Variants in SYS1 observed in about 807,000 individuals in gnomAD.
The protein encoded by SYS1 is protein SYS1 homolog.
A neutral mutation model predicts 17.8 loss-of-function variants in SYS1; 8 were observed. The ratio of observed to expected loss-of-function variants is 0.45; its 90% CI spans 0.26 to 0.81. The LOEUF is 0.81. Among genes scored for constraint, SYS1 ranks in the 40% least tolerant of loss-of-function variants. SYS1 has a pLI of 0.16. For synonymous variants in SYS1, 95 were observed against 90.9 expected, an observed-to-expected ratio of 1.05 and a Z score of -0.26; for missense variants, 161 against 203.9, an observed-to-expected ratio of 0.79 and a Z score of 1.28.
chr20:45,375,658 G>A, exon 4 of SYS1: 1 of 1,420,474 alleles, frequency 7.0e-7, no homozygotes, highest in South Asian at 1.4e-5. Context: ...AAGGCTAGAG[G>A]GGCCTGCAAA....
chr20:45,368,233 C>T lies in SYS1; in HGVS notation c.*1118C>T, dbSNP rs2145356954. ...TTCTCCCTTTCCTGGACCCCAGAGT[C>T]ATTCCTCCATTTGGTTAAAATACTC... On this transcript the variant is annotated 3_prime_UTR_variant, in exon 4 of 4. Transcript: ENST00000243918. The T allele has an allele frequency of 2.0e-6, 2 of 985,472 alleles. No homozygotes were observed. Among genetic ancestry groups the T allele is most frequent in the Non-Finnish European group, 2.4e-6 (2 of 829,934 alleles). 61.0% of individuals were successfully genotyped at this position (985,472 alleles called of 1,614,324 possible).
rs386393831 is a variant in SYS1, at chr20:45,364,465, C to CTTTTTTT, written c.162+790_162+796dup. Among the ~76,000 whole-genome samples the CTTTTTTT allele has an allele frequency of 8.2e-4, 66 of 80,128 alleles. 1 individual carries two copies. The highest frequency in any genetic ancestry group is 1.4e-3 in the Admixed American group (7 of 5,122). 52.6% of individuals were successfully genotyped at this position (80,128 alleles called of 152,430 possible). On this transcript the variant is annotated intron_variant, in intron 2 of 3. Transcript: ENST00000243918. The stretch of plus-strand genomic sequence containing the variant: ...CTGTGGCGTGGTGATGAGCACAGTT[C>CTTTTTTT]TTTTTTTTTTTTTTTTTTTTTTTTG...
At chr20:45,375,288 C>A (rs1018276444) in exon 4 of SYS1, 2 of 1,614,180 alleles carry the variant, frequency 1.2e-6, no homozygotes, top group Non-Finnish European at 1.7e-6. Context: ...GTTGCCTCCC[C>A]TGGACTCCAG....
At position 45,367,430 on chromosome 20, in the gene SYS1, A is replaced by T; in HGVS notation, c.*315A>T. 8.6e-7 allele frequency: 1 copy of T among 1,163,696 alleles called. No individual in the cohort carries two copies. Among genetic ancestry groups the T allele is most frequent in the Non-Finnish European group, 1.1e-6 (1 of 937,488 alleles). The allele number at this position is 1,163,696 out of a possible 1,614,324, so 72.1% of individuals were successfully genotyped here. The stretch of plus-strand genomic sequence containing the variant: ...CCTGTCACCAGCCTGTTGTTTTAAG[A>T]GAGAAAAAAAATCAAGGATATCTGA... On this transcript the variant is annotated 3_prime_UTR_variant, in exon 4 of 4. Transcript: ENST00000243918.
At chr20:45,363,797 TG>T in intron 2 of SYS1, 104 bp downstream of exon 2, 2 of 1,264,936 alleles carry the variant, frequency 1.6e-6, no homozygotes, top group Non-Finnish European at 2.1e-6. Flanking sequence ...CTTCTTTCTT[TG>T]TAGCCCTGGG....
intron 2 of SYS1, 45 bp from the exon 3 acceptor site, chr20:45,365,574 C>T (rs1988383522): frequency 6.3e-7 from 1 of 1,594,890 alleles, no homozygotes; most frequent in African/African-American, 1.3e-5. Flanking sequence ...TGGGGCTCTG[C>T]CAAGTCACTT....
Position 45,367,192 on chromosome 20 carries a change from C to T in SYS1, c.*77C>T. 4 of 1,575,538 alleles carry T rather than the reference C, an allele frequency of 2.5e-6. No homozygotes were observed. Among genetic ancestry groups the T allele is most frequent in the Non-Finnish European group, 3.5e-6 (4 of 1,158,640 alleles). On this transcript the variant is annotated 3_prime_UTR_variant, in exon 4 of 4. Coordinates refer to ENST00000243918, the MANE Select transcript of SYS1 (RefSeq NM_033542.4). ...GCTGCTCAGACCCTCCAGATGAGGT[C>T]CAGCCCAGATCTGAGAGGAACCCTG...
At position 45,366,090 on chromosome 20, in the gene SYS1, G is replaced by A. The variant is rs2743427; in HGVS notation, c.230+404G>A. Among the ~76,000 whole-genome samples the A allele has an allele frequency of 6.6e-3, 1,000 of 152,254 alleles. 15 individuals carry two copies. The highest frequency in any genetic ancestry group is 0.013 in the South Asian group (65 of 4,824). ...GACTCAGTGATGTCTAAGGTCACAC[G>A]TAATCATTGCCTGTCTCTTAAGAGG... On this transcript the variant is annotated intron_variant, in intron 3 of 3. Coordinates refer to ENST00000243918, the MANE Select transcript of SYS1 (RefSeq NM_033542.4).
chr20:45,363,662 G>A lies in SYS1; in HGVS notation c.131G>A (p.Ser44Asn), dbSNP rs749656758. Residue 44 changes from serine (S) to asparagine (N), a missense_variant, in exon 2 of 4, where the codon AGC becomes AAC. Ser to Asn is a conservative substitution (Grantham distance 46, BLOSUM62 1). Transcript: ENST00000243918. ...LALVDGLVRS[S>N]PSLDQMFDAE... is the part of the protein sequence containing the mutation. ...CTGGTGGACGGGCTAGTGCGAAGCA[G>A]CCCCTCGCTGGACCAGATGTTCGAC... 1.9e-6 allele frequency: 3 copies of A among 1,572,870 alleles called. No homozygotes were observed.
exon 4 of SYS1, chr20:45,375,397 A>C (rs547642390): frequency 1.2e-6 from 2 of 1,613,634 alleles, no homozygotes; most frequent in South Asian, 1.1e-5. Flanking sequence ...CTTGTTCCTC[A>C]TCCCTGACTG....
chr20:45,370,217 G>A (rs141356088), downstream of SYS1, among the ~76,000 whole-genome samples: 1 of 152,200 alleles, frequency 6.6e-6, no homozygotes, highest in Non-Finnish European at 1.5e-5. Flanking sequence ...ATGAGCCACT[G>A]TGCCCAGCAT....
Position 45,368,143 on chromosome 20 carries a change from A to G in SYS1, c.*1028A>G. On this transcript the variant is annotated 3_prime_UTR_variant, in exon 4 of 4. Transcript: ENST00000243918. ...CTGCCTGCACTTACTTTGTAATGCCACGGTTGAGATTGAGAGAGATCAGCG... is the reference window on the plus strand; with the variant it reads ...CTGCCTGCACTTACTTTGTAATGCCGCGGTTGAGATTGAGAGAGATCAGCG... The G allele has an allele frequency of 1.0e-6, 1 of 985,376 alleles. No homozygotes were observed. Among genetic ancestry groups the G allele is most frequent in the African/African-American group, 1.7e-5 (1 of 57,320 alleles). 61.0% of individuals were successfully genotyped at this position (985,376 alleles called of 1,614,324 possible).
chr20:45,367,580 A>G lies in SYS1; in HGVS notation c.*465A>G. 1 of 987,620 alleles carries G rather than the reference A, an allele frequency of 1.0e-6. No individual in the cohort carries two copies. Among genetic ancestry groups the G allele is most frequent in the Non-Finnish European group, 1.2e-6 (1 of 835,392 alleles). 61.2% of individuals were successfully genotyped at this position (987,620 alleles called of 1,614,324 possible). A position where few individuals can be genotyped will look rare whatever the true frequency, so the allele number is the denominator to read the frequency against. On this transcript the variant is annotated 3_prime_UTR_variant, in exon 4 of 4. Transcript: ENST00000243918. ...CCGAATCACAGCAGTTCTGTTGGAG[A>G]AACGCTTGGTTTCCGGATCCAGAGC...
Position 45,363,690 on chromosome 20 carries a change from C to T in SYS1, c.159C>T (p.Ala53=), listed in dbSNP as rs1988303436. The T allele has an allele frequency of 1.3e-6, 2 of 1,563,258 alleles. No homozygotes were observed. The highest frequency in any genetic ancestry group is 1.4e-5 in the African/African-American group (1 of 73,820). ...CCTCGCTGGACCAGATGTTCGACGC[C>T]GAGGTAGGGTCCCCGGACTGGGGCG... The part of the protein sequence containing the change: ...SSPSLDQMFD[A]EILGFSTPPG... The change falls in exon 2 of 4, where the codon GCC becomes GCT. Residue 53 remains alanine, a synonymous_variant. Coordinates refer to ENST00000243918, the MANE Select transcript of SYS1 (RefSeq NM_033542.4).
chr20:45,364,367 G>C (rs1449909134), intron 2 of SYS1, among the ~76,000 whole-genome samples: 1 of 151,910 alleles, frequency 6.6e-6, no homozygotes, highest in Non-Finnish European at 1.5e-5. Context: ...ACAAGGCCCA[G>C]AGGGGTTTAG....
chr20:45,374,534 G>T, exon 4 of SYS1: 1 of 521,038 alleles, frequency 1.9e-6, no homozygotes, highest in Non-Finnish European at 3.4e-6. Context: ...GACCTCCCAA[G>T]GTGCTGGGAT....
upstream of SYS1, among the ~76,000 whole-genome samples, chr20:45,362,198 C>T (rs765464110): frequency 6.6e-6 from 1 of 152,184 alleles, no homozygotes; most frequent in Non-Finnish European, 1.5e-5. Context: ...TTCCACTGGA[C>T]ACCCACATTT....
In SYS1 at chr20:45,363,567, G is replaced by A. The variant is rs1378550988; in HGVS notation, c.36G>A (p.Pro12=). 1 of 1,590,368 alleles carries A rather than the reference G, an allele frequency of 6.3e-7. No homozygotes were observed. Among genetic ancestry groups the A allele is most frequent in the Non-Finnish European group, 8.6e-7 (1 of 1,169,234 alleles). The stretch of plus-strand genomic sequence containing the variant: ...AGTTCCGCAGCTACGTGTGGGACCC[G>A]CTGCTGATCCTGTCGCAGATCGTCC... ...AGQFRSYVWD[P]LLILSQIVLM... Residue 12 remains proline, a synonymous_variant, in exon 2 of 4, where the codon CCG becomes CCA. Transcript: ENST00000243918.
chr20:45,374,060 C>A (rs747447182), downstream of SYS1: 1 of 1,587,490 alleles, frequency 6.3e-7, no homozygotes, highest in Non-Finnish European at 8.6e-7. Context: ...CCCCAGGGGG[C>A]GCTGGTCGTT....
Sources: allele counts gnomAD v4.1 joint callset (sites outside exome capture counted in the v4.1 genomes callset), GRCh38; gene constraint gnomAD v4.1.1; transcripts MANE v1.5; gene names NCBI Gene and HGNC (gene_info 2026-07-23, HGNC 2026-07-21).